The following KIAA1328 variants were observed in gnomAD, a reference collection of about 807,000 sequenced individuals.
KIAA1328 encodes the protein protein hinderin.
Under a neutral mutation model 68.1 loss-of-function variants are expected in KIAA1328, and 52 were observed. That is an observed-to-expected ratio of 0.76 (90% CI 0.61 to 0.96). The LOEUF is 0.96. Ranked by LOEUF, KIAA1328 falls within the 40% of genes least tolerant of loss-of-function variation. The probability of loss-of-function intolerance (pLI) is 0.00; values close to 1 mark genes in which losing one functional copy is unlikely to be tolerated. For synonymous variants in KIAA1328, 232 were observed against 239.4 expected (o/e 0.97, Z 0.28); for missense variants, 641 against 677.6 (o/e 0.95, Z 0.60).
chr18:36,929,578 T>C (rs1012066691), intron 5 of KIAA1328, among the ~76,000 whole-genome samples: 1 of 152,078 alleles, frequency 6.6e-6, no homozygotes, highest in Non-Finnish European at 1.5e-5. Flanking sequence ...TGAATATTAG[T>C]GTCCCCCTAA....
intron 7 of KIAA1328, chr18:37,075,490 T>C (rs1277509601): frequency 3.9e-5 from 6 of 152,012 alleles, no homozygotes; most frequent in African/African-American, 1.4e-4. Flanking sequence ...CAATATTAAC[T>C]TTAAATGTAA....
chr18:37,077,893 G>C (rs2056802059), intron 7 of KIAA1328, among the ~76,000 whole-genome samples: 1 of 151,810 alleles, frequency 6.6e-6, no homozygotes, highest in South Asian at 2.1e-4. Context: ...TGTGAAAATG[G>C]CCGTACTGCC....
intron 9 of KIAA1328, among the ~76,000 whole-genome samples, chr18:37,205,944 C>T (rs941227492): frequency 6.6e-6 from 1 of 152,140 alleles, no homozygotes; most frequent in Non-Finnish European, 1.5e-5. Flanking sequence ...AATATTGAGA[C>T]CATAAATGGT....
intron 6 of KIAA1328, among the ~76,000 whole-genome samples, chr18:37,039,541 T>C (rs1361344581): frequency 2.0e-5 from 3 of 152,002 alleles, no homozygotes; most frequent in African/African-American, 7.2e-5. Flanking sequence ...GCCTCTTGAG[T>C]AGCTGGGACT....
At chr18:37,213,872 T>A (rs576018489) in intron 9 of KIAA1328, among the ~76,000 whole-genome samples, 19 of 152,328 alleles carry the variant, frequency 1.2e-4, no homozygotes, top group Admixed American at 7.8e-4. Flanking sequence ...CTCATTGTGA[T>A]TTTGATTTGC....
At chr18:36,860,721 C>T (rs2047538724) in intron 4 of KIAA1328, among the ~76,000 whole-genome samples, 1 of 151,926 alleles carries the variant, frequency 6.6e-6, no homozygotes, top group South Asian at 2.1e-4. Flanking sequence ...TTTAAGCTTA[C>T]AGAAAAATTG....
intron 4 of KIAA1328, among the ~76,000 whole-genome samples, chr18:36,865,206 CCCTA>C (rs2047709307): frequency 6.6e-6 from 1 of 151,698 alleles, no homozygotes. Context: ...TTTTACTGTA[CCCTA>C]CCTATTTTAA....
chr18:37,085,954 TA>T (rs2057090662), intron 7 of KIAA1328, among the ~76,000 whole-genome samples: 1 of 152,350 alleles, frequency 6.6e-6, no homozygotes, highest in African/African-American at 2.4e-5. Context: ...CTACTATTCT[TA>T]AATTTAATTT....
At chr18:37,002,671 A>T (rs546294466) in intron 6 of KIAA1328, among the ~76,000 whole-genome samples, 35 of 152,114 alleles carry the variant, frequency 2.3e-4, no homozygotes, top group Non-Finnish European at 4.3e-4. Flanking sequence ...AAACTGTAAA[A>T]TATTGATGGA....
At chr18:37,165,805 C>T (rs962600276) in intron 8 of KIAA1328, among the ~76,000 whole-genome samples, 7 of 151,868 alleles carry the variant, frequency 4.6e-5, no homozygotes, top group Non-Finnish European at 7.4e-5. Flanking sequence ...GTTGGCCAGG[C>T]TGGTCTCAAA....
chr18:37,011,998 A>T (rs895456269), intron 6 of KIAA1328, among the ~76,000 whole-genome samples: 8 of 152,186 alleles, frequency 5.3e-5, no homozygotes, highest in African/African-American at 1.9e-4. Context: ...ATATCAAAAG[A>T]TTGTCAGTCA....
At chr18:37,151,355 T>C (rs1281765800) in intron 7 of KIAA1328, among the ~76,000 whole-genome samples, 2 of 152,174 alleles carry the variant, frequency 1.3e-5, no homozygotes, top group African/African-American at 4.8e-5. Context: ...TTTTCCAAAC[T>C]GAGTCTTAGA....
intron 5 of KIAA1328, among the ~76,000 whole-genome samples, chr18:36,932,632 C>T (rs960788417): frequency 6.6e-6 from 1 of 152,204 alleles, no homozygotes; most frequent in Non-Finnish European, 1.5e-5. Context: ...ATATGCAGAG[C>T]TACTTTTTGG....
intron 5 of KIAA1328, chr18:36,903,548 C>T (rs1379464497): frequency 1.3e-5 from 2 of 152,166 alleles, no homozygotes; most frequent in East Asian, 1.9e-4. Context: ...TCATTTAGTG[C>T]TTCAAACACC....
chr18:37,144,809 C>T (rs897733250), intron 7 of KIAA1328, among the ~76,000 whole-genome samples: 1 of 152,212 alleles, frequency 6.6e-6, no homozygotes, highest in South Asian at 2.1e-4. Flanking sequence ...GGATTACAGG[C>T]GTGATCCACC....
intron 3 of KIAA1328, among the ~76,000 whole-genome samples, chr18:36,837,291 G>T (rs1477242059): frequency 6.6e-6 from 1 of 152,146 alleles, no homozygotes; most frequent in Non-Finnish European, 1.5e-5. Context: ...CCACCCTAGT[G>T]GGTGTGAAGT....
intron 6 of KIAA1328, among the ~76,000 whole-genome samples, chr18:37,027,480 A>G (rs1278104378): frequency 6.6e-6 from 1 of 152,238 alleles, no homozygotes; most frequent in Non-Finnish European, 1.5e-5. Flanking sequence ...CTACAAGGCT[A>G]CAGTAACCAA....
At chr18:37,092,269 G>A (rs984214208) in intron 7 of KIAA1328, among the ~76,000 whole-genome samples, 1 of 151,946 alleles carries the variant, frequency 6.6e-6, no homozygotes, top group Non-Finnish European at 1.5e-5. Context: ...CCTACCTGCT[G>A]CCACTGGTGC....
rs181674796 is a variant in KIAA1328 at position 37,067,530 on chromosome 18, G to C, written c.1217G>C (p.Arg406Pro). Reference sequence around the variant, plus strand: ...AAACAGCAGCAGCTTCACCAGTCTCGACTGGATTACAATTGGTGAGTACTG... The same window carrying C: ...AAACAGCAGCAGCTTCACCAGTCTCCACTGGATTACAATTGGTGAGTACTG... ...LLKQQQLHQS[R>P]LDYNCLLKSN... Residue 406 changes from arginine (R) to proline (P), a missense_variant, in exon 7 of 10, where the codon CGA becomes CCA. By Grantham distance (103) the Arg-to-Pro change is moderately radical (BLOSUM62 -2). Transcript: ENST00000280020. 8 of 1,530,300 alleles carry C rather than the reference G, an allele frequency of 5.2e-6. No individual in the cohort carries two copies. The Admixed American group carries it at 1.4e-4, about 27-fold the overall frequency. The allele number at this position is 1,530,300 out of a possible 1,614,324, so 94.8% of individuals were successfully genotyped here.
Sources: allele counts gnomAD v4.1 joint callset (sites outside exome capture counted in the v4.1 genomes callset), GRCh38; gene constraint gnomAD v4.1.1; transcripts MANE v1.5; gene names NCBI Gene and HGNC (gene_info 2026-07-23, HGNC 2026-07-21).